Variants in MMP7 observed in about 807,000 individuals in gnomAD.
The protein encoded by MMP7 is matrilysin.
In MMP7, 26 loss-of-function variants were observed where a neutral mutation model predicts 31.5. The ratio of observed to expected loss-of-function variants is 0.83; its 90% CI spans 0.61 to 1.15. The LOEUF (loss-of-function observed/expected upper bound fraction) is 1.15, where lower values mean the gene tolerates loss of function less well. Among genes scored for constraint, MMP7 ranks in the 50% most tolerant of loss-of-function variants. The pLI, the probability that MMP7 is intolerant of heterozygous loss-of-function variation, is 0.00. For missense variants in MMP7, 367 were observed against 326.5 expected, an observed-to-expected ratio of 1.12 and a Z score of -0.96; for synonymous variants, 142 against 124.2, an observed-to-expected ratio of 1.14 and a Z score of -0.95.
chr11:102,528,254 T>A lies in MMP7; in HGVS notation c.109-271A>T, dbSNP rs184947078. On this transcript the variant is annotated intron_variant, in intron 1 of 5. Coordinates refer to ENST00000260227, the MANE Select transcript of MMP7 (RefSeq NM_002423.5). Reference sequence around the variant, plus strand: ...TTAAATGTTTTGGGGAGAATTACACTGTACACTTTATAAAGCCTAGAAGTG... The same window carrying A: ...TTAAATGTTTTGGGGAGAATTACACAGTACACTTTATAAAGCCTAGAAGTG... Among the ~76,000 whole-genome samples the A allele has an allele frequency of 2.9e-3, 446 of 152,312 alleles. 1 individual carries two copies. The highest frequency in any genetic ancestry group is 8.8e-3 in the African/African-American group (366 of 41,566).
rs779584154 is a variant in MMP7, at chr11:102,527,912, C to T, written c.180G>A (p.Lys60=). Residue 60 remains lysine (K), a synonymous_variant, in exon 2 of 6, where the codon AAG becomes AAA. Coordinates refer to ENST00000260227, the MANE Select transcript of MMP7 (RefSeq NM_002423.5). ...KNANSLEAKL[K]EMQKFFGLPI... ...GTAGGCCAAAGAATTTTTGCATCTC[C>T]TTGAGTTTGGCTTCTAAACTGTTGG... 7 of 1,613,980 alleles carry T rather than the reference C, an allele frequency of 4.3e-6. No homozygotes were observed. In the African/African-American group the frequency reaches 9.3e-5, roughly 22 times the overall value.
At chr11:102,524,851 T>C (rs767769772) in intron 4 of MMP7, 85 bp downstream of exon 4, 19 of 1,442,778 alleles carry the variant, frequency 1.3e-5, no homozygotes, top group Admixed American at 9.4e-5. Context: ...TCAATACTTA[T>C]TATAAATTAA....
At chr11:102,526,450 T>A (rs1215275526) in intron 3 of MMP7, among the ~76,000 whole-genome samples, 1 of 152,028 alleles carries the variant, frequency 6.6e-6, no homozygotes, top group African/African-American at 2.4e-5. Context: ...TTGGCCAGGC[T>A]GGTCTTGAAC....
chr11:102,520,643 C>G lies in MMP7; in HGVS notation c.*133G>C. The G allele has an allele frequency of 1.5e-6, 1 of 686,704 alleles. No homozygotes were observed. Among genetic ancestry groups the G allele is most frequent in the Non-Finnish European group, 2.4e-6 (1 of 421,672 alleles). The allele number at this position is 686,704 out of a possible 1,614,324, so 42.5% of individuals were successfully genotyped here. On this transcript the variant is annotated 3_prime_UTR_variant, in exon 6 of 6. Coordinates refer to ENST00000260227, the MANE Select transcript of MMP7 (RefSeq NM_002423.5). ...ATCCTTAAAAGGAGTGAAAGACATT[C>G]AAAAACCAACTGCAATAAAAAAGGG...
chr11:102,528,170 C>T (rs1481318084), intron 1 of MMP7, among the ~76,000 whole-genome samples, 187 bp from the exon 2 acceptor site: 2 of 152,110 alleles, frequency 1.3e-5, no homozygotes, highest in African/African-American at 4.8e-5. Flanking sequence ...GCTAATGAAG[C>T]ACTGGCGTGC....
Position 102,530,658 on chromosome 11 carries a change from T to C in MMP7, c.43A>G (p.Ser15Gly). 6.2e-7 allele frequency: 1 copy of C among 1,614,012 alleles called. No individual in the cohort carries two copies. The highest frequency in any genetic ancestry group is 8.5e-7 in the Non-Finnish European group (1 of 1,179,970). Residue 15 changes from serine to glycine, a missense_variant, in exon 1 of 6, where the codon AGC (serine) becomes GGC (glycine). Ser to Gly is a moderately conservative substitution (Grantham distance 56, BLOSUM62 0). Coordinates refer to ENST00000260227, the MANE Select transcript of MMP7 (RefSeq NM_002423.5). ...TCCTGAGGCAGCGGCAGGGCCAGGC[T>C]GCCAGGCAGCAGGCACACAGCACAC... ...VLCAVCLLPG[S>G]LALPLPQEAG...
Position 102,527,761 on chromosome 11 carries a change from A to C in MMP7, c.331T>G (p.Tyr111Asp), listed in dbSNP as rs747023950. 6 of 1,614,204 alleles carry C rather than the reference A, an allele frequency of 3.7e-6. No individual in the cohort carries two copies. In the Admixed American group the frequency reaches 8.3e-5, roughly 22 times the overall value. ...ATGAGCCAGAGCAAAACTAACCTGT[A>C]GGTGACCACTTTGGAAGTCCATTTT... ...SPKWTSKVVTYRIVSYTRDLP... is the reference protein window; with the variant it reads ...SPKWTSKVVTDRIVSYTRDLP... The change falls in exon 2 of 6, where the codon TAC becomes GAC. Residue 111 changes from tyrosine to aspartate, a missense_variant. Transcript: ENST00000260227.
chr11:102,523,932 G>A (rs980016241), intron 4 of MMP7, among the ~76,000 whole-genome samples: 2 of 152,218 alleles, frequency 1.3e-5, no homozygotes, highest in African/African-American at 2.4e-5. Context: ...TTGAGAAAGC[G>A]AAGATTGAAA....
At chr11:102,527,344 AGTGGC>A (rs1858682809) in intron 3 of MMP7, 175 bp downstream of exon 3, 2 of 730,546 alleles carry the variant, frequency 2.7e-6, no homozygotes, top group Non-Finnish European at 4.3e-6. Flanking sequence ...TGCTATAAAA[AGTGGC>A]TCTATATTAC....
At chr11:102,527,697 T>C in intron 2 of MMP7, 25 bp from the exon 3 acceptor site, 5 of 1,607,868 alleles carry the variant, frequency 3.1e-6, no homozygotes, top group Non-Finnish European at 4.3e-6. Context: ...GAAAACAATG[T>C]TTGACCCCTA....
chr11:102,523,160 C>T, intron 5 of MMP7, 80 bp downstream of exon 5: 1 of 1,147,176 alleles, frequency 8.7e-7, no homozygotes, highest in South Asian at 1.7e-5. Context: ...CAGGTAAATA[C>T]CCATTTCCCA....
At chr11:102,523,887 A>G (rs978169330) in intron 4 of MMP7, among the ~76,000 whole-genome samples, 14 of 152,226 alleles carry the variant, frequency 9.2e-5, no homozygotes, top group African/African-American at 3.1e-4. Flanking sequence ...AATAAATGTT[A>G]GTGACTTTGG....
intron 5 of MMP7, among the ~76,000 whole-genome samples, chr11:102,522,212 T>C (rs1858620760): frequency 6.6e-6 from 1 of 152,210 alleles, no homozygotes; most frequent in South Asian, 2.1e-4. Flanking sequence ...TTATAGCAAA[T>C]GCTAGGTTGA....
chr11:102,530,077 T>C (rs1445169522), intron 1 of MMP7, among the ~76,000 whole-genome samples: 2 of 152,060 alleles, frequency 1.3e-5, no homozygotes, highest in South Asian at 2.1e-4. Context: ...TGTTGGAGAG[T>C]TGTAATTTCT....
intron 5 of MMP7, among the ~76,000 whole-genome samples, chr11:102,521,677 C>T (rs773308383): frequency 1.2e-4 from 18 of 152,258 alleles, no homozygotes; most frequent in Non-Finnish European, 1.9e-4. Context: ...ACCAGAGATG[C>T]CCTTTTGTCT....
intron 5 of MMP7, 32 bp from the exon 6 acceptor site, chr11:102,520,836 A>G: frequency 1.4e-6 from 2 of 1,410,170 alleles, no homozygotes; most frequent in Non-Finnish European, 2.0e-6. Context: ...ACATTCTGAT[A>G]TGTAGAAAAT....
intron 4 of MMP7, 86 bp downstream of exon 4, chr11:102,524,850 A>T (rs759803335): frequency 7.0e-7 from 1 of 1,437,392 alleles, no homozygotes; most frequent in Admixed American, 2.4e-5. Flanking sequence ...CTCAATACTT[A>T]TTATAAATTA....
chr11:102,525,163 G>A (rs1361236355), intron 3 of MMP7, 99 bp from the exon 4 acceptor site: 1 of 1,435,550 alleles, frequency 7.0e-7, no homozygotes, highest in Non-Finnish European at 9.2e-7. Flanking sequence ...AGAAAAAGCA[G>A]CCCAGTCCAG....
chr11:102,530,618 C>A lies in MMP7; in HGVS notation c.83G>T (p.Ser28Ile). ...LPLPQEAGGM[S>I]ELQWEQAQDY... ...CTGAGCCTGTTCCCACTGTAGCTCA[C>A]TCATGCCTCCCGCCTCCTGAGGCAG... Residue 28 changes from serine to isoleucine, a missense_variant, in exon 1 of 6, where the codon AGT (serine) becomes ATT (isoleucine). By Grantham distance (142) the Ser-to-Ile change is moderately radical (BLOSUM62 -2). Coordinates refer to ENST00000260227, the MANE Select transcript of MMP7 (RefSeq NM_002423.5). 6.2e-7 allele frequency: 1 copy of A among 1,614,060 alleles called. No homozygotes were observed.
Sources: gnomAD v4.1 joint callset for allele counts (sites outside exome capture counted in the v4.1 genomes callset) on GRCh38, gnomAD v4.1.1 for gene constraint, MANE v1.5 for transcripts, NCBI Gene and HGNC (gene_info 2026-07-23, HGNC 2026-07-21) for gene names.